GRIN2A: variants seen among roughly 807,000 people sequenced by gnomAD.
GRIN2A encodes the protein glutamate ionotropic receptor NMDA type subunit 2A.
GRIN2A carries 22 observed loss-of-function variants against 113.4 expected under a neutral mutation model. That is an observed-to-expected ratio of 0.19 (90% CI 0.14 to 0.28). The LOEUF (loss-of-function observed/expected upper bound fraction) is 0.28, where lower values mean the gene tolerates loss of function less well. GRIN2A is among the 10% of genes least tolerant of loss of function. The pLI is 1.00. For synonymous variants in GRIN2A, 827 were observed against 738.4 expected (o/e 1.12, Z -1.94); for missense variants, 1,502 against 1,887.0 (o/e 0.80, Z 3.78).
intron 2 of GRIN2A, among the ~76,000 whole-genome samples, chr16:9,940,219 A>G (rs988690197): frequency 1.3e-5 from 2 of 152,186 alleles, no homozygotes; most frequent in South Asian, 2.1e-4. Flanking sequence ...CAAAAGCTAT[A>G]GTTCTTCGAA....
intron 2 of GRIN2A, among the ~76,000 whole-genome samples, chr16:9,984,626 G>A (rs907737048): frequency 2.0e-4 from 30 of 152,164 alleles, no homozygotes; most frequent in African/African-American, 6.0e-4. Context: ...AGAATGGTCT[G>A]CCTCATTTTC....
chr16:10,003,543 T>C (rs1179974962), intron 2 of GRIN2A, among the ~76,000 whole-genome samples: 1 of 152,200 alleles, frequency 6.6e-6, no homozygotes, highest in African/African-American at 2.4e-5. Context: ...AAGAACACAG[T>C]GGGAGTATAC....
intron 3 of GRIN2A, among the ~76,000 whole-genome samples, chr16:9,919,865 C>T (rs2044326003): frequency 6.6e-6 from 1 of 152,234 alleles, no homozygotes; most frequent in Admixed American, 6.5e-5. Context: ...GGTCTTTGCC[C>T]TTGGCAGTCC....
At chr16:10,146,824 A>G (rs74629149) in intron 2 of GRIN2A, among the ~76,000 whole-genome samples, 1 of 151,886 alleles carries the variant, frequency 6.6e-6, no homozygotes, top group Non-Finnish European at 1.5e-5. Context: ...GAGAAACTAC[A>G]TAAGCAACAT....
At chr16:9,879,172 T>C (rs2043429376) in intron 4 of GRIN2A, among the ~76,000 whole-genome samples, 1 of 152,162 alleles carries the variant, frequency 6.6e-6, no homozygotes, top group African/African-American at 2.4e-5. Flanking sequence ...TAACGATCAT[T>C]ATATAAGGAA....
chr16:10,164,361 C>T (rs113729875), intron 2 of GRIN2A, among the ~76,000 whole-genome samples: 5 of 152,310 alleles, frequency 3.3e-5, no homozygotes, highest in African/African-American at 1.2e-4. Flanking sequence ...GTCATTGGGT[C>T]AGGGTCTGCG....
In GRIN2A at chr16:9,932,699, A is replaced by G. The variant is rs148977372; in HGVS notation, c.1007+5260T>C. ...CGCCCGGCCTAATAACTTTAGATCT[A>G]CAAGTTTCATCCATAGTAGTAACCA... is the stretch of plus-strand genomic sequence containing the variant. On this transcript the variant is annotated intron_variant, in intron 3 of 12. Coordinates refer to ENST00000330684, the MANE Select transcript of GRIN2A (RefSeq NM_001134407.3). Among the ~76,000 whole-genome samples the G allele has an allele frequency of 5.8e-3, 881 of 152,228 alleles. 12 individuals are homozygous for G. The highest frequency in any genetic ancestry group is 0.02 in the African/African-American group (819 of 41,530).
intron 2 of GRIN2A, among the ~76,000 whole-genome samples, chr16:10,119,737 C>G (rs1360777439): frequency 6.6e-6 from 1 of 152,126 alleles, no homozygotes; most frequent in Non-Finnish European, 1.5e-5. Context: ...CTCCTCCCAC[C>G]CTCCGCCCTC....
At position 9,764,661 on chromosome 16, in the gene GRIN2A, G is replaced by A. The variant is rs77705198; in HGVS notation, c.2883C>T (p.Asn961=). Residue 961 remains asparagine, a synonymous_variant, in exon 13 of 13, where the codon AAC becomes AAT. Coordinates refer to ENST00000330684, the MANE Select transcript of GRIN2A (RefSeq NM_001134407.3). ...GGTTGGCCACAAATGTTTGGAGTTCGTTCATGTTGTCTCCAAAAATGCTCT... is the reference window on the plus strand; with the variant it reads ...GGTTGGCCACAAATGTTTGGAGTTCATTCATGTTGTCTCCAAAAATGCTCT... ...GKESIFGDNM[N]ELQTFVANRQ... is the part of the protein sequence containing the mutation. The A allele has an allele frequency of 1.0e-3, 1,621 of 1,614,040 alleles. 2 individuals carry two copies. The highest frequency in any genetic ancestry group is 1.3e-3 in the Non-Finnish European group (1,504 of 1,179,926).
chr16:9,969,105 C>A (rs539532998), intron 2 of GRIN2A, among the ~76,000 whole-genome samples: 1 of 152,076 alleles, frequency 6.6e-6, no homozygotes, highest in East Asian at 1.9e-4. Flanking sequence ...TTTCAGGTCA[C>A]ACTAGCCACA....
intron 2 of GRIN2A, among the ~76,000 whole-genome samples, chr16:9,979,663 T>G (rs1478294435): frequency 6.6e-6 from 1 of 152,030 alleles, no homozygotes; most frequent in Admixed American, 6.6e-5. Context: ...ATGAAAAGAC[T>G]GTATCCTCAT....
At chr16:9,936,770 A>G (rs1021486130) in intron 3 of GRIN2A, among the ~76,000 whole-genome samples, 6 of 152,222 alleles carry the variant, frequency 3.9e-5, no homozygotes, top group Non-Finnish European at 8.8e-5. Flanking sequence ...AGAATATAAG[A>G]AGGGAAAAAA....
chr16:9,998,142 T>A (rs2046258983), intron 2 of GRIN2A, among the ~76,000 whole-genome samples: 1 of 152,218 alleles, frequency 6.6e-6, no homozygotes, highest in South Asian at 2.1e-4. Context: ...CATACCAGTA[T>A]GAGGCTCTAC....
At chr16:9,961,888 C>T (rs1596365844) in intron 2 of GRIN2A, among the ~76,000 whole-genome samples, 1 of 152,288 alleles carries the variant, frequency 6.6e-6, no homozygotes, top group Non-Finnish European at 1.5e-5. Context: ...TGCTACAAGG[C>T]TACAGTAACC....
chr16:9,833,015 G>T (rs574495736), intron 8 of GRIN2A, among the ~76,000 whole-genome samples: 2 of 152,220 alleles, frequency 1.3e-5, no homozygotes, highest in South Asian at 4.2e-4. Flanking sequence ...TCTGCTTTTT[G>T]GGGGATATGA....
chr16:10,036,411 T>G (rs1021036216), intron 2 of GRIN2A, among the ~76,000 whole-genome samples: 13 of 150,800 alleles, frequency 8.6e-5, no homozygotes, highest in African/African-American at 3.2e-4. Flanking sequence ...GTTCTATTTA[T>G]GCCATAATAA....
chr16:9,990,192 T>C (rs1233054898), intron 2 of GRIN2A, among the ~76,000 whole-genome samples: 1 of 152,124 alleles, frequency 6.6e-6, no homozygotes, highest in Non-Finnish European at 1.5e-5. Context: ...TATGGAATGC[T>C]ACACAGCCAT....
chr16:9,775,849 A>T (rs1221031119), intron 11 of GRIN2A, among the ~76,000 whole-genome samples: 2 of 152,206 alleles, frequency 1.3e-5, no homozygotes, highest in Non-Finnish European at 2.9e-5. Flanking sequence ...CACATACAAT[A>T]GGAGGTAAGC....
At chr16:10,055,656 G>C (rs746719232) in intron 2 of GRIN2A, among the ~76,000 whole-genome samples, 28 of 152,204 alleles carry the variant, frequency 1.8e-4, no homozygotes, top group South Asian at 8.3e-4. Flanking sequence ...CACTTCAATA[G>C]ACAACATCAG....
Sources: gnomAD v4.1 joint callset for allele counts (sites outside exome capture counted in the v4.1 genomes callset) on GRCh38, gnomAD v4.1.1 for gene constraint, MANE v1.5 for transcripts, NCBI Gene and HGNC (gene_info 2026-07-23, HGNC 2026-07-21) for gene names.